ANKRD17: variants seen among roughly 807,000 people sequenced by gnomAD.
The protein encoded by ANKRD17 is ankyrin repeat domain-containing protein 17.
Under a neutral mutation model 229.7 loss-of-function variants are expected in ANKRD17, and 19 were observed. That is an observed-to-expected ratio of 0.08 (90% confidence interval 0.06 to 0.12). ANKRD17 has a LOEUF of 0.12. ANKRD17 is among the 10% of genes least tolerant of loss of function. The probability of loss-of-function intolerance (pLI) is 1.00; values close to 1 mark genes in which losing one functional copy is unlikely to be tolerated. For missense variants in ANKRD17, 2,176 were observed against 3,176.8 expected, an observed-to-expected ratio of 0.68 and a Z score of 7.57; for synonymous variants, 1,112 against 1,146.1, an observed-to-expected ratio of 0.97 and a Z score of 0.60.
chr4:73,168,983 A>G (rs1733614514), intron 2 of ANKRD17: 1 of 152,066 alleles, frequency 6.6e-6, no homozygotes, highest in Non-Finnish European at 1.5e-5. Context: ...CTTAGTGTCC[A>G]TGTGTACTCA....
intron 3 of ANKRD17, among the ~76,000 whole-genome samples, chr4:73,158,128 G>GA (rs1731932055): frequency 1.6e-5 from 2 of 121,972 alleles, no homozygotes; most frequent in South Asian, 2.7e-4. Context: ...GAGAAAGAAA[G>GA]AAGGAGAAAG....
chr4:73,132,619 T>A lies in ANKRD17; in HGVS notation c.3234+2498A>T, dbSNP rs112879244. Reference sequence around the variant, plus strand: ...GTGAGATCAGATAAAAAAAGTAGATTTTTAAGGAGTCATAGTCAAATTTTT... The same window carrying A: ...GTGAGATCAGATAAAAAAAGTAGATATTTAAGGAGTCATAGTCAAATTTTT... On this transcript the variant is annotated intron_variant, in intron 16 of 33. Transcript: ENST00000358602. Among the ~76,000 whole-genome samples, 1,239 of 152,178 alleles carry A rather than the reference T, an allele frequency of 8.1e-3. 20 individuals carry two copies. Among genetic ancestry groups the A allele is most frequent in the African/African-American group, 0.028 (1,164 of 41,526 alleles).
rs112286396 is a variant in ANKRD17 at position 73,155,885 on chromosome 4, C to T, written c.853-107G>A. The T allele has an allele frequency of 2.0e-6, 3 of 1,473,750 alleles. No homozygotes were observed. The African/African-American group carries it at 4.3e-5, about 21-fold the overall frequency. 91.3% of individuals were successfully genotyped at this position (1,473,750 alleles called of 1,614,324 possible). A position where few individuals can be genotyped will look rare whatever the true frequency, so the allele number is the denominator to read the frequency against. On this transcript the variant is annotated intron_variant, in intron 4 of 33. Transcript: ENST00000358602. ...CTAGTCATAGTAAAAGAGCTATAAG[C>T]ACACAAAATTTATCTAACAAAACTA... is the stretch of plus-strand genomic sequence containing the variant.
intron 1 of ANKRD17, among the ~76,000 whole-genome samples, chr4:73,246,054 T>C (rs1031024194): frequency 6.6e-6 from 1 of 152,160 alleles, no homozygotes; most frequent in Non-Finnish European, 1.5e-5. Context: ...CAATGCCTAC[T>C]ACTTCAAATG....
intron 25 of ANKRD17, chr4:73,099,207 G>A (rs915122746): frequency 5.0e-5 from 31 of 623,488 alleles, no homozygotes; most frequent in Middle Eastern, 4.3e-4. Flanking sequence ...GACAGCTTTT[G>A]CTCCGCTCCC....
At chr4:73,109,110 G>C (rs1018330826) in intron 24 of ANKRD17, among the ~76,000 whole-genome samples, 1 of 152,120 alleles carries the variant, frequency 6.6e-6, no homozygotes, top group African/African-American at 2.4e-5. Flanking sequence ...GACCAGCCTG[G>C]CTAACATGGT....
intron 30 of ANKRD17, among the ~76,000 whole-genome samples, chr4:73,082,351 T>C (rs1192290684): frequency 2.0e-5 from 3 of 151,346 alleles, no homozygotes; most frequent in Non-Finnish European, 4.4e-5. Context: ...AGCTGGGTGC[T>C]ATGGCAAGTG....
intron 1 of ANKRD17, among the ~76,000 whole-genome samples, chr4:73,200,525 A>G (rs1180207743): frequency 1.3e-5 from 2 of 152,162 alleles, no homozygotes; most frequent in Non-Finnish European, 2.9e-5. Flanking sequence ...GGGATTTTTT[A>G]TAGCTCCCCA....
intron 1 of ANKRD17, among the ~76,000 whole-genome samples, chr4:73,226,351 A>G (rs1742494308): frequency 6.7e-6 from 1 of 149,054 alleles, no homozygotes; most frequent in African/African-American, 2.5e-5. Context: ...AATACCTTTT[A>G]AATTATTGCT....
chr4:73,180,805 C>T lies in ANKRD17; in HGVS notation c.394-3272G>A, dbSNP rs569662609. ...AGTACCAGAATTGCTTTAGCTGTTA[C>T]CTATGTGACCTAACCAAGTCTCTCT... On this transcript the variant is annotated intron_variant, in intron 1 of 33. Transcript: ENST00000358602. Among the ~76,000 whole-genome samples the T allele has an allele frequency of 6.6e-5, 10 of 152,276 alleles. No homozygotes were observed. The East Asian group carries it at 1.7e-3, about 26-fold the overall frequency.
At chr4:73,145,160 T>C (rs1403040661) in intron 10 of ANKRD17, among the ~76,000 whole-genome samples, 1 of 152,184 alleles carries the variant, frequency 6.6e-6, no homozygotes, top group African/African-American at 2.4e-5. Context: ...TGAATTGCGG[T>C]ACTTGAATAT....
At chr4:73,199,362 C>A (rs887141607) in intron 1 of ANKRD17, among the ~76,000 whole-genome samples, 3 of 152,092 alleles carry the variant, frequency 2.0e-5, no homozygotes, top group African/African-American at 7.2e-5. Flanking sequence ...AAGCACCTTT[C>A]ATTCATCAAC....
At chr4:73,192,832 GAATT>G (rs1737316629) in intron 1 of ANKRD17, among the ~76,000 whole-genome samples, 1 of 152,090 alleles carries the variant, frequency 6.6e-6, no homozygotes, top group African/African-American at 2.4e-5. Flanking sequence ...AATATTGTAA[GAATT>G]AGTTAAAGCA....
chr4:73,242,665 G>T (rs1445339199), intron 1 of ANKRD17, among the ~76,000 whole-genome samples: 1 of 152,190 alleles, frequency 6.6e-6, no homozygotes, highest in South Asian at 2.1e-4. Flanking sequence ...CAATGAGTGA[G>T]AACTGCCTTC....
At chr4:73,250,586 T>C (rs1744905255) in intron 1 of ANKRD17, among the ~76,000 whole-genome samples, 1 of 14,614 alleles carries the variant, frequency 6.8e-5, no homozygotes, top group Non-Finnish European at 1.1e-4. Flanking sequence ...GATGACCTTG[T>C]CTCAAAAAAA....
intron 1 of ANKRD17, among the ~76,000 whole-genome samples, chr4:73,218,951 C>G (rs931258767): frequency 6.6e-6 from 1 of 152,074 alleles, no homozygotes; most frequent in African/African-American, 2.4e-5. Context: ...ATCCCAGCTA[C>G]TCGGGAGGCT....
At chr4:73,122,432 T>C (rs910955336) in intron 18 of ANKRD17, among the ~76,000 whole-genome samples, 1 of 152,172 alleles carries the variant, frequency 6.6e-6, no homozygotes, top group Non-Finnish European at 1.5e-5. Flanking sequence ...GGATGTGTAG[T>C]TGTATCCCAC....
intron 1 of ANKRD17, among the ~76,000 whole-genome samples, chr4:73,211,260 G>A (rs1376095763): frequency 6.6e-6 from 1 of 152,078 alleles, no homozygotes; most frequent in African/African-American, 2.4e-5. Flanking sequence ...GATCTAGGTG[G>A]AGCTCTGAAT....
chr4:73,085,500 A>C, intron 29 of ANKRD17, 54 bp from the exon 30 acceptor site: 1 of 1,461,170 alleles, frequency 6.8e-7, no homozygotes, highest in Non-Finnish European at 9.5e-7. Flanking sequence ...CAAGAAATAG[A>C]GATACCTTAA....
Sources: gnomAD v4.1 joint callset for allele counts (sites outside exome capture counted in the v4.1 genomes callset) on GRCh38, gnomAD v4.1.1 for gene constraint, MANE v1.5 for transcripts, NCBI Gene and HGNC (gene_info 2026-07-23, HGNC 2026-07-21) for gene names.